Variants in ZNF385D observed in about 807,000 individuals in gnomAD.
The protein encoded by ZNF385D is zinc finger protein 659.
In ZNF385D, 15 loss-of-function variants were observed where a neutral mutation model predicts 35.8. The observed-to-expected ratio is 0.42, with a 90% confidence interval of 0.28 to 0.64. The LOEUF (loss-of-function observed/expected upper bound fraction) is 0.64. Ranked by LOEUF, ZNF385D falls within the 30% of genes least tolerant of loss-of-function variation. The pLI, the probability that ZNF385D is intolerant of heterozygous loss-of-function variation, is 0.23. For synonymous variants in ZNF385D, 212 were observed against 186.8 expected (o/e 1.13, Z -1.10); for missense variants, 474 against 494.6 (o/e 0.96, Z 0.39).
intron 2 of ZNF385D, among the ~76,000 whole-genome samples, chr3:21,583,369 T>G (rs1302664011): frequency 6.6e-6 from 1 of 152,192 alleles, no homozygotes; most frequent in Non-Finnish European, 1.5e-5. Context: ...TAGGGGCTCT[T>G]AGAATATACT....
chr3:22,338,985 G>A (rs1248038866), intron 2 of ZNF385D, among the ~76,000 whole-genome samples: 2 of 152,000 alleles, frequency 1.3e-5, no homozygotes, highest in Non-Finnish European at 2.9e-5. Context: ...ACAGGTGTGA[G>A]CCACCACACC....
chr3:22,107,519 C>A (rs1702289890), intron 3 of ZNF385D, among the ~76,000 whole-genome samples: 1 of 152,016 alleles, frequency 6.6e-6, no homozygotes, highest in Non-Finnish European at 1.5e-5. Flanking sequence ...AGGGTAATAA[C>A]TGAAGACTTT....
At chr3:21,528,386 A>G (rs233153) in intron 3 of ZNF385D, among the ~76,000 whole-genome samples, 27,599 of 152,084 alleles carry the variant, frequency 0.18, 2,612 homozygotes, top group Admixed American at 0.25. Context: ...TTCACTGGCT[A>G]CTTGACTGAG....
chr3:21,826,661 G>A (rs931699295), intron 3 of ZNF385D, among the ~76,000 whole-genome samples: 2 of 152,050 alleles, frequency 1.3e-5, no homozygotes. Context: ...GCACTCTAAG[G>A]GTGGTGGGGG....
In ZNF385D at chr3:21,439,398, T is replaced by C. The variant is rs139459544; in HGVS notation, c.440-2195A>G. Among the ~76,000 whole-genome samples the C allele has an allele frequency of 9.2e-5, 14 of 151,858 alleles. No individual in the cohort carries two copies. The East Asian group carries it at 2.7e-3, about 29-fold the overall frequency. On this transcript the variant is annotated intron_variant, in intron 4 of 7. Transcript: ENST00000281523. ...GGAGCAGTGGGCTAAAACCACTAAATTGTTCTTAGGATCAGCTCTATCAGG... is the reference window on the plus strand; with the variant it reads ...GGAGCAGTGGGCTAAAACCACTAAACTGTTCTTAGGATCAGCTCTATCAGG...
chr3:21,595,283 C>T (rs892247360), intron 2 of ZNF385D, among the ~76,000 whole-genome samples: 9 of 152,108 alleles, frequency 5.9e-5, no homozygotes, highest in African/African-American at 1.2e-4. Context: ...AACCTCCAGG[C>T]GAGCCCTATT....
At chr3:22,318,488 G>T (rs149317395) in intron 2 of ZNF385D, among the ~76,000 whole-genome samples, 1 of 152,116 alleles carries the variant, frequency 6.6e-6, no homozygotes, top group Admixed American at 6.5e-5. Context: ...GAGATGTGGA[G>T]AATAAACTAG....
At chr3:21,480,892 C>A (rs1479813971) in intron 4 of ZNF385D, among the ~76,000 whole-genome samples, 3 of 152,176 alleles carry the variant, frequency 2.0e-5, no homozygotes, top group African/African-American at 7.2e-5. Context: ...CAGTAACTGT[C>A]ATTTCATTTG....
At chr3:22,173,089 C>T (rs1392409765) in intron 2 of ZNF385D, among the ~76,000 whole-genome samples, 1 of 152,136 alleles carries the variant, frequency 6.6e-6, no homozygotes, top group African/African-American at 2.4e-5. Context: ...ATCTTCCTTA[C>T]AGAAATAATA....
chr3:22,217,472 G>A (rs561445309), intron 2 of ZNF385D, among the ~76,000 whole-genome samples: 41 of 152,184 alleles, frequency 2.7e-4, no homozygotes, highest in African/African-American at 9.9e-4. Context: ...CTTCACTCCA[G>A]TATGACCTCT....
chr3:21,602,482 G>A (rs1436943883), intron 2 of ZNF385D, among the ~76,000 whole-genome samples: 2 of 146,930 alleles, frequency 1.4e-5, no homozygotes, highest in African/African-American at 5.0e-5. Context: ...GCAAAACCAA[G>A]AGTAGAATTT....
intron 4 of ZNF385D, among the ~76,000 whole-genome samples, chr3:21,474,453 G>T (rs1435019214): frequency 6.6e-6 from 1 of 152,070 alleles, no homozygotes; most frequent in Admixed American, 6.6e-5. Flanking sequence ...ATCCTTTCAG[G>T]TAACATGAGA....
chr3:21,805,030 G>C (rs1285881293), intron 3 of ZNF385D, among the ~76,000 whole-genome samples: 2 of 152,164 alleles, frequency 1.3e-5, no homozygotes, highest in African/African-American at 4.8e-5. Context: ...GAACCAACCT[G>C]ATAATGGTGA....
intron 4 of ZNF385D, among the ~76,000 whole-genome samples, chr3:21,461,727 C>T (rs527724206): frequency 6.6e-6 from 1 of 152,326 alleles, no homozygotes; most frequent in East Asian, 1.9e-4. Flanking sequence ...AATTAGGTCT[C>T]TAGCCATTTG....
At chr3:22,212,172 C>A (rs969520363) in intron 2 of ZNF385D, among the ~76,000 whole-genome samples, 2 of 151,868 alleles carry the variant, frequency 1.3e-5, no homozygotes, top group Non-Finnish European at 2.9e-5. Context: ...CAGAAGAGTG[C>A]AAAGGACTGA....
At chr3:22,126,061 CCTTTA>C (rs1703407023) in intron 3 of ZNF385D, among the ~76,000 whole-genome samples, 1 of 151,798 alleles carries the variant, frequency 6.6e-6, no homozygotes, top group African/African-American at 2.4e-5. Context: ...GTAATATATG[CCTTTA>C]TTTTGTTGAG....
intron 3 of ZNF385D, among the ~76,000 whole-genome samples, chr3:22,120,679 T>C (rs891410514): frequency 2.6e-5 from 4 of 152,182 alleles, no homozygotes; most frequent in African/African-American, 9.7e-5. Flanking sequence ...TTCACCTAAA[T>C]TTAGTGAGTA....
chr3:22,183,315 G>A (rs923650762), intron 2 of ZNF385D, among the ~76,000 whole-genome samples: 2 of 151,976 alleles, frequency 1.3e-5, no homozygotes, highest in African/African-American at 2.4e-5. Flanking sequence ...CTCTTCTCAA[G>A]TGCTTTGATC....
chr3:21,983,324 C>G (rs1240874546), intron 3 of ZNF385D, among the ~76,000 whole-genome samples: 1 of 127,372 alleles, frequency 7.9e-6, no homozygotes, highest in African/African-American at 2.9e-5. Flanking sequence ...CTCCCCCCAC[C>G]ACACCACAGT....
Sources: allele counts gnomAD v4.1 joint callset (sites outside exome capture counted in the v4.1 genomes callset), GRCh38; gene constraint gnomAD v4.1.1; transcripts MANE v1.5; gene names NCBI Gene and HGNC (gene_info 2026-07-23, HGNC 2026-07-21).